Variants in NIN observed in about 807,000 individuals in gnomAD.
The protein encoded by NIN is ninein.
A neutral mutation model predicts 257.6 loss-of-function variants in NIN; 137 were observed. The observed-to-expected ratio is 0.53, with a 90% CI of 0.46 to 0.61. The LOEUF (loss-of-function observed/expected upper bound fraction) is 0.61, where lower values mean the gene tolerates loss of function less well. NIN is among the 20% of genes least tolerant of loss of function. The pLI, the probability that NIN is intolerant of heterozygous loss-of-function variation, is 0.00. For synonymous variants in NIN, 918 were observed against 919.8 expected (o/e 1.00, Z 0.04); for missense variants, 2,439 against 2,501.2 (o/e 0.98, Z 0.53).
rs1157840726 is a variant in NIN, at chr14:50,831,160, G to A, written c.-230C>T. The A allele has an allele frequency of 6.6e-6, 1 of 150,600 alleles. No homozygotes were observed. Among genetic ancestry groups the A allele is most frequent in the African/African-American group, 2.4e-5 (1 of 41,262 alleles). The allele number at this position is 150,600 out of a possible 1,614,324, so 9.3% of individuals were successfully genotyped here. A position where few individuals can be genotyped will look rare whatever the true frequency, so the allele number is the denominator to read the frequency against. The stretch of plus-strand genomic sequence containing the variant: ...GAGCTCTGGACGCCGGGGAGGAAGG[G>A]CCGGGCCCGCGCGGGGAGGAGGAGT... On this transcript the variant is annotated 5_prime_UTR_variant, in exon 1 of 31. Transcript: ENST00000530997.
Position 50,722,251 on chromosome 14 carries a change from T to C in NIN, c.*1212A>G, listed in dbSNP as rs1196237785. On this transcript the variant is annotated 3_prime_UTR_variant, in exon 31 of 31. Coordinates refer to ENST00000530997, the MANE Select transcript of NIN (RefSeq NM_020921.4). ...GTGGAAAGTCCTATTTGGCACTCCTTGACCTCAGGTGGCATGCCAATGATT... is the reference window on the plus strand; with the variant it reads ...GTGGAAAGTCCTATTTGGCACTCCTCGACCTCAGGTGGCATGCCAATGATT... The C allele has an allele frequency of 4.5e-6, 1 of 224,062 alleles. No individual in the cohort carries two copies. The highest frequency in any genetic ancestry group is 8.9e-6 in the Non-Finnish European group (1 of 112,382). 13.9% of individuals were successfully genotyped at this position (224,062 alleles called of 1,614,324 possible).
At chr14:50,743,706 T>C (rs1400590067) in intron 23 of NIN, among the ~76,000 whole-genome samples, 177 bp from the exon 24 acceptor site, 1 of 152,192 alleles carries the variant, frequency 6.6e-6, no homozygotes, top group East Asian at 1.9e-4. Flanking sequence ...CAAAGACTGT[T>C]TTACACGTCT....
At chr14:50,823,888 C>T (rs1247028967) in intron 2 of NIN, among the ~76,000 whole-genome samples, 2 of 152,162 alleles carry the variant, frequency 1.3e-5, no homozygotes, top group Non-Finnish European at 2.9e-5. Flanking sequence ...AGAAAAGAAA[C>T]ACCAAGTTGT....
intron 26 of NIN, among the ~76,000 whole-genome samples, chr14:50,738,509 G>A (rs2041114588): frequency 6.6e-6 from 1 of 152,168 alleles, no homozygotes; most frequent in African/African-American, 2.4e-5. Flanking sequence ...ACAAGACTGG[G>A]AAGAGGGGAC....
At chr14:50,782,681 C>T (rs1004867794) in intron 5 of NIN, among the ~76,000 whole-genome samples, 2 of 152,232 alleles carry the variant, frequency 1.3e-5, no homozygotes, top group Non-Finnish European at 2.9e-5. Context: ...ATAGGTACAA[C>T]TCTCACTATT....
rs2041627232 is a variant in NIN, at chr14:50,747,984, A to T, written c.5064+8T>A. The T allele has an allele frequency of 6.3e-7, 1 of 1,586,034 alleles. No individual in the cohort carries two copies. The highest frequency in any genetic ancestry group is 1.7e-5 in the Admixed American group (1 of 59,958). On this transcript the variant is annotated splice_region_variant and intron_variant, in intron 22 of 30. Coordinates refer to ENST00000530997, the MANE Select transcript of NIN (RefSeq NM_020921.4). ...CTGTGAACCCCCCTTAGCTGCACAC[A>T]GCCTTACCTGTTTCATTTTCTCCAG...
chr14:50,779,313 G>A (rs138090698), intron 5 of NIN, among the ~76,000 whole-genome samples: 2 of 152,330 alleles, frequency 1.3e-5, no homozygotes, highest in Non-Finnish European at 2.9e-5. Flanking sequence ...CAAGAAAACA[G>A]GAAATACAAC....
intron 28 of NIN, among the ~76,000 whole-genome samples, chr14:50,731,729 G>C (rs1024214324): frequency 6.6e-6 from 1 of 152,124 alleles, no homozygotes; most frequent in Non-Finnish European, 1.5e-5. Flanking sequence ...GGGAGGCTGA[G>C]GCAGAAGAAT....
rs145894515 is a variant in NIN, at chr14:50,730,908, A to C, written c.5878-1185T>G. On this transcript the variant is annotated intron_variant, in intron 28 of 30. Coordinates refer to ENST00000530997, the MANE Select transcript of NIN (RefSeq NM_020921.4). ...GCTCCATGCTATGAAAGTTCATTGA[A>C]AGAGAATGTTCTACCTTCACACACT... The C allele has an allele frequency of 1.2e-3, 1,584 of 1,341,200 alleles. 2 individuals are homozygous for C. The highest frequency in any genetic ancestry group is 2.8e-3 in the Admixed American group (144 of 50,992). 83.1% of individuals were successfully genotyped at this position (1,341,200 alleles called of 1,614,324 possible). A position where few individuals can be genotyped will look rare whatever the true frequency, so the allele number is the denominator to read the frequency against.
At chr14:50,727,491 C>T in intron 29 of NIN, 1 of 1,189,134 alleles carries the variant, frequency 8.4e-7, no homozygotes, top group African/African-American at 1.6e-5. Flanking sequence ...ATTTGATTCA[C>T]AAGATCTGTC....
intron 2 of NIN, among the ~76,000 whole-genome samples, chr14:50,823,666 A>G (rs993026948): frequency 6.6e-6 from 1 of 152,176 alleles, no homozygotes; most frequent in Non-Finnish European, 1.5e-5. Flanking sequence ...CTCAGTTTTT[A>G]CTGGGGCCAC....
At chr14:50,753,814 T>TA (rs563126648) in intron 20 of NIN, among the ~76,000 whole-genome samples, 45 of 151,972 alleles carry the variant, frequency 3.0e-4, no homozygotes, top group Admixed American at 1.6e-3. Context: ...TTCAATAGGT[T>TA]AAAAAAAAGA....
At chr14:50,793,725 T>TCAC (rs202080296) in intron 4 of NIN, among the ~76,000 whole-genome samples, 11 of 152,032 alleles carry the variant, frequency 7.2e-5, no homozygotes, top group African/African-American at 2.4e-4. Context: ...ACCACTGCCA[T>TCAC]CACCACCACC....
intron 9 of NIN, among the ~76,000 whole-genome samples, chr14:50,771,794 T>C (rs2042743475): frequency 6.6e-6 from 1 of 152,104 alleles, no homozygotes; most frequent in African/African-American, 2.4e-5. Context: ...AAGACCATCC[T>C]GGCCAACACG....
intron 5 of NIN, chr14:50,792,295 C>T (rs1258166331): frequency 6.0e-6 from 1 of 165,720 alleles, no homozygotes; most frequent in Non-Finnish European, 1.3e-5. Flanking sequence ...TTCAAAATGC[C>T]TGAACGCGTT....
rs1276187526 is a variant in NIN at position 50,758,221 on chromosome 14, T to A, written c.2809A>T (p.Ile937Leu). 3 of 1,614,122 alleles carry A rather than the reference T, an allele frequency of 1.9e-6. No homozygotes were observed. Among genetic ancestry groups the A allele is most frequent in the Middle Eastern group, 1.6e-4 (1 of 6,084 alleles). Reference protein sequence around the residue: ...ETQQSLLSDQILELKSSHKRE... With the variant: ...ETQQSLLSDQLLELKSSHKRE... ...TTGTGACTGCTCTTCAGCTCAAGTA[T>A]CTGGTCAGACAGCAGGCTTTGCTGG... Residue 937 changes from isoleucine (I) to leucine (L), a missense_variant, in exon 18 of 31, where the codon ATA (isoleucine) becomes TTA (leucine). By Grantham distance (5) the Ile-to-Leu change is conservative. Around this residue, in one of 3 missense-constraint regions of NIN, gnomAD observed 2,043 missense variants for 2,050.2 expected, o/e 1.00. Coordinates refer to ENST00000530997, the MANE Select transcript of NIN (RefSeq NM_020921.4).
chr14:50,759,232 A>C lies in NIN; in HGVS notation c.2400-602T>G, dbSNP rs541755998. 2.0e-5 allele frequency among the ~76,000 whole-genome samples: 3 copies of C among 152,338 alleles called. No individual in the cohort carries two copies. In the East Asian group the frequency reaches 5.8e-4, roughly 29 times the overall value. ...ATCCAGTTTATTAATAGCTTTTCTCAGAAAGCAACAGGATTGAACTAGGAA... is the reference window on the plus strand; with the variant it reads ...ATCCAGTTTATTAATAGCTTTTCTCCGAAAGCAACAGGATTGAACTAGGAA... On this transcript the variant is annotated intron_variant, in intron 17 of 30. Transcript: ENST00000530997.
chr14:50,824,871 G>C (rs906205493), intron 2 of NIN, among the ~76,000 whole-genome samples: 16 of 152,296 alleles, frequency 1.1e-4, no homozygotes, highest in Middle Eastern at 3.4e-3. Context: ...AGCCTCCTAA[G>C]CAAGAAGTAG....
At position 50,831,148 on chromosome 14, in the gene NIN, C is replaced by G. The variant is rs2045688479; in HGVS notation, c.-218G>C. ...CGCGGCCACCCGGAGCTCTGGACGC[C>G]GGGGAGGAAGGGCCGGGCCCGCGCG... is the stretch of plus-strand genomic sequence containing the variant. On this transcript the variant is annotated 5_prime_UTR_variant, in exon 1 of 31. Transcript: ENST00000530997. 1 of 150,348 alleles carries G rather than the reference C, an allele frequency of 6.7e-6. No homozygotes were observed. The highest frequency in any genetic ancestry group is 1.5e-5 in the Non-Finnish European group (1 of 67,378). The allele number at this position is 150,348 out of a possible 1,614,324, so 9.3% of individuals were successfully genotyped here.
Sources: allele counts gnomAD v4.1 joint callset (sites outside exome capture counted in the v4.1 genomes callset), GRCh38; gene constraint gnomAD v4.1.1; regional missense constraint gnomAD v4.1.1; transcripts MANE v1.5; gene names NCBI Gene and HGNC (gene_info 2026-07-23, HGNC 2026-07-21).